Variants in SACS observed in about 807,000 individuals in gnomAD.
SACS encodes the protein sacsin.
Under a neutral mutation model 348.0 loss-of-function variants are expected in SACS, and 197 were observed. That is an observed-to-expected ratio of 0.57 (90% CI 0.50 to 0.64). The LOEUF is 0.64. SACS is among the 30% of genes least tolerant of loss of function. The probability of loss-of-function intolerance (pLI) is 0.00; values close to 1 mark genes in which losing one functional copy is unlikely to be tolerated. For synonymous variants in SACS, 1,985 were observed against 1,910.6 expected, an observed-to-expected ratio of 1.04 and a Z score of -1.02; for missense variants, 4,999 against 5,360.8, an observed-to-expected ratio of 0.93 and a Z score of 2.11.
intron 9 of SACS, among the ~76,000 whole-genome samples, chr13:23,348,202 G>C (rs1256017346): frequency 6.6e-6 from 1 of 152,004 alleles, no homozygotes; most frequent in Non-Finnish European, 1.5e-5. Context: ...AAAAATCATA[G>C]CTTCAACTCT....
chr13:23,397,458 T>C (rs1872754046), intron 2 of SACS, among the ~76,000 whole-genome samples: 1 of 152,232 alleles, frequency 6.6e-6, no homozygotes, highest in African/African-American at 2.4e-5. Flanking sequence ...GTTTCTTTTT[T>C]AATGCATTTT....
In SACS at chr13:23,337,822, C is replaced by T. The variant is rs188054764; in HGVS notation, c.6054G>A (p.Lys2018=). 6.2e-7 allele frequency: 1 copy of T among 1,613,902 alleles called. No individual in the cohort carries two copies. Among genetic ancestry groups the T allele is most frequent in the African/African-American group, 1.3e-5 (1 of 75,058 alleles). Residue 2018 remains lysine, a synonymous_variant, in exon 10 of 10, where the codon AAG becomes AAA. Coordinates refer to ENST00000382292, the MANE Select transcript of SACS (RefSeq NM_014363.6). ...CAGCACAAAGGTTTTTGGACCCAGT[C>T]TTCTTGAGGTATTTCAAAAATATCT... ...AFKIFLKYLK[K]TGSKNLCAVE...
At chr13:23,359,184 AAAAAAAG>A (rs1311000857) in intron 6 of SACS, among the ~76,000 whole-genome samples, 2 of 152,218 alleles carry the variant, frequency 1.3e-5, no homozygotes, top group Admixed American at 6.5e-5. Flanking sequence ...TCCGTCTCAA[AAAAAAAG>A]AAAAAAGAAA....
intron 2 of SACS, among the ~76,000 whole-genome samples, chr13:23,383,394 T>G (rs1350356740): frequency 6.6e-6 from 1 of 152,128 alleles, no homozygotes; most frequent in Non-Finnish European, 1.5e-5. Context: ...TACCATCAAG[T>G]TATTGTATAA....
intron 9 of SACS, among the ~76,000 whole-genome samples, chr13:23,350,099 G>A (rs1473958073): frequency 6.6e-6 from 1 of 152,190 alleles, no homozygotes; most frequent in Non-Finnish European, 1.5e-5. Context: ...AGAAGGAATG[G>A]TATCATCATG....
At chr13:23,372,661 T>G (rs1446009173) in intron 3 of SACS, among the ~76,000 whole-genome samples, 6 of 152,216 alleles carry the variant, frequency 3.9e-5, no homozygotes, top group Non-Finnish European at 8.8e-5. Context: ...TATGCTGCCT[T>G]ATGTCTCACC....
rs1555251421 is a variant in SACS, at chr13:23,336,432, T to TTACAGTGG, written c.7436_7443dup (p.Lys2482ProfsTer3). ...CTGGGTATGTCAGCATGACAATATT[T>TTACAGTGG]TACAGTGGTATCCTTTACTTTTATC... On this transcript the variant is annotated frameshift_variant, in exon 10 of 10. Coordinates refer to ENST00000382292, the MANE Select transcript of SACS (RefSeq NM_014363.6). LOFTEE classifies it high-confidence loss of function. The TTACAGTGG allele has an allele frequency of 6.2e-7, 1 of 1,614,116 alleles. No individual in the cohort carries two copies. The highest frequency in any genetic ancestry group is 1.7e-5 in the Admixed American group (1 of 60,024).
rs1339721282 is a variant in SACS, at chr13:23,355,509, A to G, written c.1103T>C (p.Ile368Thr). Residue 368 changes from isoleucine to threonine, a missense_variant, in exon 8 of 10, where the codon ATC becomes ACC. Physicochemically the swap from Ile to Thr is moderately conservative, Grantham distance 89 (BLOSUM62 -1). Transcript: ENST00000382292. ...ATTTACGTGATATGTTACACAGGTG[A>G]TGTTATTGCTTGGAGTCTTTTTACA... ...NYCKKTPSNN[I>T]TCVTYHVNIV... is the part of the protein sequence containing the mutation. 6.2e-7 allele frequency: 1 copy of G among 1,614,096 alleles called. No homozygotes were observed. The highest frequency in any genetic ancestry group is 8.5e-7 in the Non-Finnish European group (1 of 1,180,006).
intron 2 of SACS, among the ~76,000 whole-genome samples, chr13:23,409,344 C>T (rs61948392): frequency 0.13 from 18,848 of 145,824 alleles, 1,501 homozygotes; most frequent in East Asian, 0.21. Context: ...GGTGAGCCAC[C>T]GCGCTGGCCG....
intron 2 of SACS, among the ~76,000 whole-genome samples, chr13:23,393,795 C>T (rs1872615108): frequency 1.3e-5 from 2 of 152,068 alleles, no homozygotes; most frequent in Non-Finnish European, 1.5e-5. Flanking sequence ...GAGTCTCGCA[C>T]TGTCACCAAG....
At chr13:23,412,842 T>C (rs1873548708) in intron 1 of SACS, among the ~76,000 whole-genome samples, 1 of 152,244 alleles carries the variant, frequency 6.6e-6, no homozygotes, top group Non-Finnish European at 1.5e-5. Flanking sequence ...TTGTAACTAT[T>C]GGTGCCTGTA....
intron 2 of SACS, among the ~76,000 whole-genome samples, chr13:23,397,769 A>C (rs1363879827): frequency 6.6e-6 from 1 of 152,236 alleles, no homozygotes; most frequent in African/African-American, 2.4e-5. Context: ...GAAGAGATTT[A>C]TTATGGGCCA....
chr13:23,358,996 A>G (rs1357506634), intron 6 of SACS, among the ~76,000 whole-genome samples: 6 of 152,160 alleles, frequency 3.9e-5, no homozygotes, highest in South Asian at 4.1e-4. Flanking sequence ...CCTGCCCAAC[A>G]TGGCAAAACC....
At chr13:23,403,266 G>T (rs957053078) in intron 2 of SACS, among the ~76,000 whole-genome samples, 11 of 152,122 alleles carry the variant, frequency 7.2e-5, no homozygotes, top group African/African-American at 2.4e-4. Flanking sequence ...TCAGGATGAT[G>T]CTGGCTTCAT....
At chr13:23,341,749 A>G in intron 9 of SACS, 59 bp from the exon 10 acceptor site, 3 of 1,030,846 alleles carry the variant, frequency 2.9e-6, no homozygotes, top group Admixed American at 3.5e-5. Context: ...ACAGCTTTCT[A>G]TTCTCACAAA....
At chr13:23,424,296 C>T (rs377236054) in intron 1 of SACS, among the ~76,000 whole-genome samples, 13 of 152,290 alleles carry the variant, frequency 8.5e-5, no homozygotes, top group East Asian at 5.8e-4. Flanking sequence ...GAGGCCAAAG[C>T]GGGCAGATCA....
chr13:23,432,751 CA>C (rs1366914321), intron 1 of SACS, among the ~76,000 whole-genome samples: 1 of 152,176 alleles, frequency 6.6e-6, no homozygotes, highest in African/African-American at 2.4e-5. Context: ...AGTTCCCCTT[CA>C]AAATAACTTC....
At chr13:23,378,769 A>G (rs1004558238) in intron 2 of SACS, among the ~76,000 whole-genome samples, 2 of 152,172 alleles carry the variant, frequency 1.3e-5, no homozygotes, top group Non-Finnish European at 2.9e-5. Context: ...AAAATATGGA[A>G]AGAGAGTGAG....
At chr13:23,364,713 GTTTCC>G (rs1870958497) in intron 6 of SACS, among the ~76,000 whole-genome samples, 1 of 152,168 alleles carries the variant, frequency 6.6e-6, no homozygotes, top group African/African-American at 2.4e-5. Context: ...TTCTTATCAT[GTTTCC>G]TTTCATTTTC....
Sources: gnomAD v4.1 joint callset for allele counts (sites outside exome capture counted in the v4.1 genomes callset) on GRCh38, gnomAD v4.1.1 for gene constraint, MANE v1.5 for transcripts, NCBI Gene and HGNC (gene_info 2026-07-23, HGNC 2026-07-21) for gene names.